Variants in MIA3 observed in about 807,000 individuals in gnomAD.
The protein encoded by MIA3 is transport and Golgi organization protein 1 homolog.
Under a neutral mutation model 192.4 loss-of-function variants are expected in MIA3, and 90 were observed. That is an observed-to-expected ratio of 0.47 (90% CI 0.39 to 0.56). The LOEUF (loss-of-function observed/expected upper bound fraction) is 0.56. MIA3 is among the 20% of genes least tolerant of loss of function. MIA3 has a pLI of 0.00. For missense variants in MIA3, 2,123 were observed against 2,269.4 expected, an observed-to-expected ratio of 0.94 and a Z score of 1.31; for synonymous variants, 740 against 792.8, an observed-to-expected ratio of 0.93 and a Z score of 1.12.
chr1:222,633,012 G>A, intron 5 of MIA3, 92 bp from the exon 6 acceptor site: 1 of 1,281,584 alleles, frequency 7.8e-7, no homozygotes, highest in Admixed American at 2.3e-5. Context: ...TCCAGGCACA[G>A]TGCCTAATAT....
intron 8 of MIA3, among the ~76,000 whole-genome samples, chr1:222,650,063 A>T (rs369546129): frequency 6.6e-6 from 1 of 152,256 alleles, no homozygotes; most frequent in East Asian, 1.9e-4. Flanking sequence ...TACCCTTATG[A>T]TCCAATCACC....
chr1:222,641,694 C>T (rs941794205), intron 6 of MIA3: 2 of 550,128 alleles, frequency 3.6e-6, no homozygotes, highest in Non-Finnish European at 7.3e-6. Context: ...ATTCTCTTCC[C>T]TCATTGTTCT....
intron 26 of MIA3, 149 bp downstream of exon 26, chr1:222,662,481 A>G (rs1323684826): frequency 1.9e-5 from 28 of 1,469,522 alleles, no homozygotes; most frequent in Admixed American, 2.3e-5. Flanking sequence ...AAGAGCCTGA[A>G]GTCCCCTCAG....
chr1:222,618,755 A>G (rs984445428), intron 1 of MIA3, among the ~76,000 whole-genome samples: 15 of 152,000 alleles, frequency 9.9e-5, no homozygotes, highest in African/African-American at 3.6e-4. Flanking sequence ...TCCCAGTGGC[A>G]GGTTGATGGT....
rs1168257401 is a variant in MIA3 at position 222,667,395 on chromosome 1, T to G, written c.*1776T>G. On this transcript the variant is annotated 3_prime_UTR_variant, in exon 28 of 28. Coordinates refer to ENST00000344922, the MANE Select transcript of MIA3 (RefSeq NM_198551.4). ...AATATCTCTTTAGGACACAAAACAA[T>G]GCTGAAGTTAATATAATTTCTAATT... is the stretch of plus-strand genomic sequence containing the variant. The G allele has an allele frequency of 1.3e-5, 2 of 152,214 alleles. No individual in the cohort carries two copies. Among genetic ancestry groups the G allele is most frequent in the African/African-American group, 4.8e-5 (2 of 41,448 alleles). 9.4% of individuals were successfully genotyped at this position (152,214 alleles called of 1,614,324 possible). A position where few individuals can be genotyped will look rare whatever the true frequency, so the allele number is the denominator to read the frequency against.
Position 222,629,500 on chromosome 1 carries a change from C to A in MIA3, c.2280C>A (p.Val760=). 1.9e-6 allele frequency: 3 copies of A among 1,614,042 alleles called. No homozygotes were observed. The highest frequency in any genetic ancestry group is 2.5e-6 in the Non-Finnish European group (3 of 1,180,028). Residue 760 remains valine, a synonymous_variant, in exon 4 of 28, where the codon GTC becomes GTA. Transcript: ENST00000344922. ...QGRQFDVNLQ[V]PDRAVLGTIH... is the part of the protein sequence containing the mutation. ...GGCAGTTTGATGTTAATCTGCAAGT[C>A]CCTGACAGAGCAGTTTTAGGGACCA...
chr1:222,665,118 G>C (rs1439579836), intron 27 of MIA3, 191 bp from the exon 28 acceptor site: 1 of 558,696 alleles, frequency 1.8e-6, no homozygotes, highest in Non-Finnish European at 3.1e-6. Flanking sequence ...AGGATTGATT[G>C]AGTCCGGGAG....
At position 222,628,920 on chromosome 1, in the gene MIA3, T is replaced by C. The variant is rs1416512844; in HGVS notation, c.1700T>C (p.Met567Thr). 6.2e-7 allele frequency: 1 copy of C among 1,613,960 alleles called. No homozygotes were observed. Reference protein sequence around the residue: ...ESAQKAAGNQMNDRKIQQESL... With the variant: ...ESAQKAAGNQTNDRKIQQESL... Reference sequence around the variant, plus strand: ...GCACAGAAAGCTGCAGGGAATCAAATGAATGACAGAAAGATTCAACAGGAA... The same window carrying C: ...GCACAGAAAGCTGCAGGGAATCAAACGAATGACAGAAAGATTCAACAGGAA... The change falls in exon 4 of 28, where the codon ATG becomes ACG. Residue 567 changes from methionine (M) to threonine (T), a missense_variant. Around this residue, in one of 3 missense-constraint regions of MIA3, gnomAD observed 1,357 missense variants for 1,396.1 expected, o/e 0.97. Transcript: ENST00000344922.
intron 18 of MIA3, among the ~76,000 whole-genome samples, chr1:222,655,069 C>T (rs1334998591): frequency 1.3e-5 from 2 of 152,226 alleles, no homozygotes; most frequent in African/African-American, 4.8e-5. Flanking sequence ...TTTTGAAGAT[C>T]TGGCCATGCC....
chr1:222,664,245 T>C, intron 27 of MIA3, 97 bp downstream of exon 27: 2 of 1,317,380 alleles, frequency 1.5e-6, no homozygotes, highest in Non-Finnish European at 2.2e-6. Flanking sequence ...GGCTTTGCAA[T>C]GCAGCAGTGA....
chr1:222,667,315 T>A lies in MIA3; in HGVS notation c.*1696T>A, dbSNP rs536631727. ...CTCCACAGAAGAGCATAGGCCACTT[T>A]TAGCCATGTAAAAATAAGATTAAGT... On this transcript the variant is annotated 3_prime_UTR_variant, in exon 28 of 28. Transcript: ENST00000344922. The A allele has an allele frequency of 7.2e-5, 11 of 152,322 alleles. No homozygotes were observed. The South Asian group carries it at 2.3e-3, about 32-fold the overall frequency. 9.4% of individuals were successfully genotyped at this position (152,322 alleles called of 1,614,324 possible).
Position 222,665,380 on chromosome 1 carries a change from C to T in MIA3, c.5485C>T (p.Pro1829Ser). 6.2e-7 allele frequency: 1 copy of T among 1,613,988 alleles called. No homozygotes were observed. Among genetic ancestry groups the T allele is most frequent in the Non-Finnish European group, 8.5e-7 (1 of 1,179,972 alleles). ...PGVPPGRRDL[P>S]LHPRGFLPGH... ...CGTTCCACCAGGAAGACGGGACCTGCCTCTCCACCCTCGGGGATTTTTACC... is the reference window on the plus strand; with the variant it reads ...CGTTCCACCAGGAAGACGGGACCTGTCTCTCCACCCTCGGGGATTTTTACC... Residue 1829 changes from proline (P) to serine (S), a missense_variant, in exon 28 of 28, where the codon CCT becomes TCT. Transcript: ENST00000344922.
chr1:222,622,575 A>G (rs1661920781), intron 2 of MIA3, among the ~76,000 whole-genome samples: 1 of 152,236 alleles, frequency 6.6e-6, no homozygotes, highest in Non-Finnish European at 1.5e-5. Context: ...GGTCAGGTTC[A>G]GCTCTCCTAT....
Position 222,654,271 on chromosome 1 carries a change from A to G in MIA3, c.4350A>G (p.Gln1450=). 1 of 1,614,064 alleles carries G rather than the reference A, an allele frequency of 6.2e-7. No homozygotes were observed. Among genetic ancestry groups the G allele is most frequent in the East Asian group, 2.2e-5 (1 of 44,860 alleles). The change falls in exon 16 of 28, where the codon CAA becomes CAG. Residue 1450 remains glutamine (Q), a synonymous_variant. Coordinates refer to ENST00000344922, the MANE Select transcript of MIA3 (RefSeq NM_198551.4). ...ACCGGAATGAGAAGATGAAAAATCA[A>G]ATTAAGCAGATGATGGATGTCTCTC... ...GGDRNEKMKN[Q]IKQMMDVSRT... is the part of the protein sequence containing the mutation.
In MIA3 at chr1:222,662,310, C is replaced by G. The variant is rs756377569; in HGVS notation, c.5240C>G (p.Thr1747Ser). Residue 1747 changes from threonine (T) to serine (S), a missense_variant, in exon 26 of 28, where the codon ACC becomes AGC. Physicochemically the swap from Thr to Ser is moderately conservative, Grantham distance 58. Coordinates refer to ENST00000344922, the MANE Select transcript of MIA3 (RefSeq NM_198551.4). ...MNSSSRGSSP[T>S]RVLDEGKVNM... The stretch of plus-strand genomic sequence containing the variant: ...AGCAGCTCAAGAGGCTCTTCCCCTA[C>G]CAGGGTACTCGATGAAGGCAAGGTA... 5.0e-6 allele frequency: 8 copies of G among 1,613,942 alleles called. No individual in the cohort carries two copies. Among genetic ancestry groups the G allele is most frequent in the Non-Finnish European group, 6.8e-6 (8 of 1,179,834 alleles).
intron 6 of MIA3, 124 bp from the exon 7 acceptor site, chr1:222,645,430 T>G: frequency 1.3e-6 from 1 of 787,318 alleles, no homozygotes; most frequent in Non-Finnish European, 2.0e-6. Flanking sequence ...CTACTGAAGA[T>G]TTTTGAGGGG....
intron 6 of MIA3, chr1:222,644,354 G>C (rs1663020404): frequency 2.7e-6 from 4 of 1,491,534 alleles, no homozygotes; most frequent in Admixed American, 2.2e-5. Context: ...TGTGGAAGGC[G>C]AAGTTCAATC....
In MIA3 at chr1:222,618,660, G is replaced by A. The variant is rs576701046; in HGVS notation, c.133+417G>A. On this transcript the variant is annotated intron_variant, in intron 1 of 27. Transcript: ENST00000344922. ...GCCGCGCGTCTGGGCTCCCCACGCC[G>A]CAACCAAAGCTTTCCTGCCCGCGCT... is the stretch of plus-strand genomic sequence containing the variant. 4.7e-5 allele frequency among the ~76,000 whole-genome samples: 7 copies of A among 148,882 alleles called. No homozygotes were observed. The South Asian group carries it at 1.6e-3, about 34-fold the overall frequency.
chr1:222,635,890 A>C (rs1662602299), intron 6 of MIA3, among the ~76,000 whole-genome samples: 1 of 152,172 alleles, frequency 6.6e-6, no homozygotes. Flanking sequence ...AAGGCTATAC[A>C]TTCCTTTGTT....
Sources: allele counts gnomAD v4.1 joint callset (sites outside exome capture counted in the v4.1 genomes callset), GRCh38; gene constraint gnomAD v4.1.1; regional missense constraint gnomAD v4.1.1; transcripts MANE v1.5; gene names NCBI Gene and HGNC (gene_info 2026-07-23, HGNC 2026-07-21).